The following CREG2 variants were observed in gnomAD, a reference collection of about 807,000 sequenced individuals.
The protein encoded by CREG2 is protein CREG2.
CREG2 carries 24 observed loss-of-function variants against 26.2 expected under a neutral mutation model. The ratio of observed to expected loss-of-function variants is 0.92; its 90% CI spans 0.66 to 1.29. The LOEUF is 1.29. Among genes scored for constraint, CREG2 ranks in the 50% most tolerant of loss-of-function variants. CREG2 has a pLI of 0.00. For missense variants in CREG2, 366 were observed against 398.6 expected, an observed-to-expected ratio of 0.92 and a Z score of 0.70; for synonymous variants, 174 against 169.2, an observed-to-expected ratio of 1.03 and a Z score of -0.22.
intron 2 of CREG2, chr2:101,382,755 T>C: frequency 2.0e-6 from 2 of 985,440 alleles, no homozygotes; most frequent in South Asian, 4.7e-5. Flanking sequence ...ATTTCACAGA[T>C]GGGATGAGGC....
At chr2:101,382,017 A>C (rs374288046) in intron 2 of CREG2, 1 of 152,330 alleles carries the variant, frequency 6.6e-6, no homozygotes, top group Non-Finnish European at 1.5e-5. Context: ...ATCCTCCCCC[A>C]GCTGGAGTGC....
In CREG2 at chr2:101,387,273, A is replaced by G; in HGVS notation, c.185T>C (p.Leu62Pro). 6.8e-7 allele frequency: 1 copy of G among 1,477,846 alleles called. No homozygotes were observed. The highest frequency in any genetic ancestry group is 9.0e-7 in the Non-Finnish European group (1 of 1,106,326). 91.5% of individuals were successfully genotyped at this position (1,477,846 alleles called of 1,614,324 possible). A position where few individuals can be genotyped will look rare whatever the true frequency, so the allele number is the denominator to read the frequency against. The change falls in exon 1 of 4, where the codon CTG (leucine) becomes CCG (proline). Residue 62 changes from leucine to proline, a missense_variant. Coordinates refer to ENST00000324768, the MANE Select transcript of CREG2 (RefSeq NM_153836.4). The surrounding 1 kb of genome is among the most constrained non-coding windows in gnomAD (Gnocchi z 4.7). ...CCAGATGCTGCCCGAATCCTCTAGCAGCGCGGGCATAGCCTCCTCAGTGGA... is the reference window on the plus strand; with the variant it reads ...CCAGATGCTGCCCGAATCCTCTAGCGGCGCGGGCATAGCCTCCTCAGTGGA... ...SASTEEAMPA[L>P]LEDSGSIWQQ...
chr2:101,353,736 T>C (rs960036094), intron 3 of CREG2, among the ~76,000 whole-genome samples: 1 of 152,072 alleles, frequency 6.6e-6, no homozygotes, highest in African/African-American at 2.4e-5. Flanking sequence ...AATAATAGAC[T>C]GGATAAAGAA....
At chr2:101,351,150 A>G (rs951737369) in intron 3 of CREG2, 80 bp from the exon 4 acceptor site, 205 of 1,407,254 alleles carry the variant, frequency 1.5e-4, no homozygotes, top group Non-Finnish European at 1.8e-4. Flanking sequence ...GGACCTCCAG[A>G]GTCCAGGCCT....
chr2:101,359,399 G>A (rs1451916920), intron 2 of CREG2, among the ~76,000 whole-genome samples: 5 of 152,182 alleles, frequency 3.3e-5, no homozygotes, highest in Middle Eastern at 3.4e-3. Flanking sequence ...TCAAGTCTTC[G>A]TATAAGGTCA....
In CREG2 at chr2:101,349,609, T is replaced by C. The variant is rs989799395; in HGVS notation, c.*1314A>G. 4 of 152,560 alleles carry C rather than the reference T, an allele frequency of 2.6e-5. No individual in the cohort carries two copies. Among genetic ancestry groups the C allele is most frequent in the Non-Finnish European group, 5.9e-5 (4 of 68,040 alleles). 9.5% of individuals were successfully genotyped at this position (152,560 alleles called of 1,614,324 possible). A position where few individuals can be genotyped will look rare whatever the true frequency, so the allele number is the denominator to read the frequency against. On this transcript the variant is annotated 3_prime_UTR_variant, in exon 4 of 4. Transcript: ENST00000324768. Reference sequence around the variant, plus strand: ...GGTTTTAATGATCAGAGGTCTTAGATATATATACATAGGTCCATGTAGACC... The same window carrying C: ...GGTTTTAATGATCAGAGGTCTTAGACATATATACATAGGTCCATGTAGACC...
intron 2 of CREG2, chr2:101,382,771 G>A: frequency 5.1e-6 from 5 of 985,398 alleles, no homozygotes; most frequent in Non-Finnish European, 6.0e-6. Flanking sequence ...GAGGCCTGTT[G>A]ATTTTCTAAA....
At chr2:101,381,470 C>T (rs933323138) in intron 2 of CREG2, among the ~76,000 whole-genome samples, 3 of 152,148 alleles carry the variant, frequency 2.0e-5, no homozygotes, top group African/African-American at 4.8e-5. Context: ...GGGCTTACGC[C>T]GATTATGGGA....
chr2:101,387,191 C>A lies in CREG2; in HGVS notation c.267G>T (p.Ala89=). 2 of 1,347,966 alleles carry A rather than the reference C, an allele frequency of 1.5e-6. No individual in the cohort carries two copies. Among genetic ancestry groups the A allele is most frequent in the Non-Finnish European group, 1.9e-6 (2 of 1,038,376 alleles). The allele number at this position is 1,347,966 out of a possible 1,614,324, so 83.5% of individuals were successfully genotyped here. Residue 89 remains alanine (A), a synonymous_variant, in exon 1 of 4, where the codon GCG becomes GCT. Transcript: ENST00000324768. The surrounding 1 kb of genome is among the most constrained non-coding windows in gnomAD (Gnocchi z 4.7). ...HKEDAHLRPR[A]GAARARPPPA... is the part of the protein sequence containing the mutation. ...GGGGCGGCCTGGCCCGGGCGGCGCC[C>A]GCCCGGGGCCGCAGGTGCGCGTCCT...
intron 1 of CREG2, among the ~76,000 whole-genome samples, chr2:101,386,667 T>A (rs989555506): frequency 6.6e-6 from 1 of 152,046 alleles, no homozygotes; most frequent in South Asian, 2.1e-4. Context: ...CCCCGCCTAC[T>A]CTGCGATTCC....
At chr2:101,379,894 T>C (rs567760133) in intron 2 of CREG2, among the ~76,000 whole-genome samples, 13 of 151,890 alleles carry the variant, frequency 8.6e-5, no homozygotes, top group Non-Finnish European at 1.9e-4. Context: ...TGATGAAGAG[T>C]GGACTGGGGA....
At chr2:101,378,780 G>A (rs943745036) in intron 2 of CREG2, among the ~76,000 whole-genome samples, 1 of 152,068 alleles carries the variant, frequency 6.6e-6, no homozygotes, top group African/African-American at 2.4e-5. Flanking sequence ...AGGCTGAGGC[G>A]GGGGGATCAC....
intron 3 of CREG2, among the ~76,000 whole-genome samples, chr2:101,352,483 C>A (rs1382074179): frequency 1.3e-5 from 2 of 152,108 alleles, no homozygotes; most frequent in African/African-American, 4.8e-5. Context: ...CTGGAAGGAC[C>A]CTGAGGAGAC....
intron 2 of CREG2, among the ~76,000 whole-genome samples, chr2:101,376,751 A>C (rs1043980794): frequency 6.6e-6 from 1 of 152,236 alleles, no homozygotes; most frequent in Non-Finnish European, 1.5e-5. Context: ...AAGAGAATCC[A>C]GCTTTGTTAC....
intron 2 of CREG2, 86 bp from the exon 3 acceptor site, chr2:101,355,452 G>A: frequency 1.3e-6 from 1 of 778,910 alleles, no homozygotes; most frequent in Non-Finnish European, 2.2e-6. Context: ...CTTAAAAATA[G>A]TAGTCACATT....
At chr2:101,360,734 T>G (rs936240134) in intron 2 of CREG2, among the ~76,000 whole-genome samples, 3 of 149,016 alleles carry the variant, frequency 2.0e-5, no homozygotes, top group Non-Finnish European at 3.0e-5. Flanking sequence ...CAAGACTCAG[T>G]CTCAGAAAAA....
intron 2 of CREG2, among the ~76,000 whole-genome samples, chr2:101,377,251 T>TA (rs879914986): frequency 2.9e-4 from 43 of 146,490 alleles, no homozygotes; most frequent in Admixed American, 5.5e-4. Context: ...ATTCTACTCT[T>TA]AAAAAAAAAA....
intron 1 of CREG2, among the ~76,000 whole-genome samples, chr2:101,386,599 C>T (rs894140765): frequency 2.0e-5 from 3 of 152,190 alleles, no homozygotes; most frequent in Non-Finnish European, 4.4e-5. Flanking sequence ...AGCTCCAGGT[C>T]AGAAGGTGAT....
In CREG2 at chr2:101,387,082, T is replaced by C. The variant is rs1684982322; in HGVS notation, c.376A>G (p.Thr126Ala). The C allele has an allele frequency of 8.1e-7, 1 of 1,233,612 alleles. No individual in the cohort carries two copies. Among genetic ancestry groups the C allele is most frequent in the Non-Finnish European group, 1.0e-6 (1 of 989,638 alleles). 76.4% of individuals were successfully genotyped at this position (1,233,612 alleles called of 1,614,324 possible). A position where few individuals can be genotyped will look rare whatever the true frequency, so the allele number is the denominator to read the frequency against. ...CTGGCATGGGCCAGGGAGCGGGCGG[T>C]GGCGGCGCGCAGTCTAGGGCCCGGG... ...APPGPRLRAA[T>A]ARSLAHASVW... The change falls in exon 1 of 4, where the codon ACC becomes GCC. Residue 126 changes from threonine to alanine, a missense_variant. By Grantham distance (58) the Thr-to-Ala change is moderately conservative (BLOSUM62 0). Around this residue, in one of 3 missense-constraint regions of CREG2, gnomAD observed 15 missense variants for 37.2 expected, o/e 0.40. Coordinates refer to ENST00000324768, the MANE Select transcript of CREG2 (RefSeq NM_153836.4). This position sits in a 1 kb window ranked among gnomAD's most constrained non-coding sequence, Gnocchi z 4.7.
Sources: allele counts gnomAD v4.1 joint callset (sites outside exome capture counted in the v4.1 genomes callset), GRCh38; gene constraint gnomAD v4.1.1; regional missense constraint gnomAD v4.1.1; non-coding constraint Gnocchi (gnomAD v3.1); transcripts MANE v1.5; gene names NCBI Gene and HGNC (gene_info 2026-07-23, HGNC 2026-07-21).